RSRC1: variants seen among roughly 807,000 people sequenced by gnomAD.
RSRC1 encodes the protein serine/Arginine-related protein 53.
RSRC1 carries 39 observed loss-of-function variants against 49.1 expected under a neutral mutation model. The ratio of observed to expected loss-of-function variants is 0.79; its 90% CI spans 0.61 to 1.04. The LOEUF (loss-of-function observed/expected upper bound fraction) is 1.04, where lower values mean the gene tolerates loss of function less well. Among genes scored for constraint, RSRC1 ranks in the 50% least tolerant of loss-of-function variants. RSRC1 has a pLI of 0.00. For synonymous variants in RSRC1, 143 were observed against 130.8 expected (o/e 1.09, Z -0.63); for missense variants, 388 against 402.4 (o/e 0.96, Z 0.31).
intron 3 of RSRC1, among the ~76,000 whole-genome samples, chr3:158,170,340 T>C (rs1370463821): frequency 6.6e-6 from 1 of 151,420 alleles, no homozygotes; most frequent in Admixed American, 6.6e-5. Flanking sequence ...TTGCTCTTCC[T>C]TGTTCTCCCT....
At chr3:158,241,583 TAA>T (rs1723582322) in intron 4 of RSRC1, among the ~76,000 whole-genome samples, 1 of 152,018 alleles carries the variant, frequency 6.6e-6, no homozygotes, top group Admixed American at 6.6e-5. Flanking sequence ...GCTAGTGGAC[TAA>T]TAAAAAATCA....
chr3:158,253,043 T>C (rs1195949041), intron 4 of RSRC1, among the ~76,000 whole-genome samples: 1 of 114,508 alleles, frequency 8.7e-6, no homozygotes, highest in Non-Finnish European at 1.8e-5. Context: ...TTTTCTTTCA[T>C]TGATTTTTTT....
chr3:158,182,701 A>G (rs1559932780), intron 3 of RSRC1, among the ~76,000 whole-genome samples: 2 of 152,196 alleles, frequency 1.3e-5, no homozygotes, highest in African/African-American at 4.8e-5. Flanking sequence ...GTTTACGGAA[A>G]GAAGGAAAGA....
intron 4 of RSRC1, among the ~76,000 whole-genome samples, chr3:158,248,437 G>A (rs371215621): frequency 5.3e-5 from 8 of 152,080 alleles, no homozygotes; most frequent in East Asian, 1.9e-4. Context: ...TCACTCACCT[G>A]TTAATAAACA....
intron 4 of RSRC1, among the ~76,000 whole-genome samples, chr3:158,254,559 G>A (rs2108020212): frequency 6.6e-6 from 1 of 152,164 alleles, no homozygotes; most frequent in East Asian, 1.9e-4. Flanking sequence ...ACCCTCCCGA[G>A]TAGCTGGGAC....
At chr3:158,275,552 T>G (rs890540152) in intron 4 of RSRC1, among the ~76,000 whole-genome samples, 3 of 152,228 alleles carry the variant, frequency 2.0e-5, no homozygotes, top group African/African-American at 7.2e-5. Context: ...ATTTTAAACC[T>G]ATTATACTAC....
At chr3:158,338,492 C>T (rs1730042330) in intron 5 of RSRC1, among the ~76,000 whole-genome samples, 2 of 152,126 alleles carry the variant, frequency 1.3e-5, no homozygotes, top group South Asian at 2.1e-4. Flanking sequence ...TGATATGTGT[C>T]TCTGTCATAG....
chr3:158,170,570 T>C (rs550537759), intron 3 of RSRC1, among the ~76,000 whole-genome samples: 2 of 152,296 alleles, frequency 1.3e-5, no homozygotes, highest in South Asian at 2.1e-4. Context: ...CTGGGGAGGA[T>C]ACTCAAAACT....
At chr3:158,457,546 A>T (rs1454520382) in intron 6 of RSRC1, among the ~76,000 whole-genome samples, 1 of 152,158 alleles carries the variant, frequency 6.6e-6, no homozygotes, top group Non-Finnish European at 1.5e-5. Context: ...TATGGCTATG[A>T]TAGACATATG....
chr3:158,340,297 C>G (rs1730156306), intron 5 of RSRC1, among the ~76,000 whole-genome samples: 1 of 152,162 alleles, frequency 6.6e-6, no homozygotes, highest in South Asian at 2.1e-4. Context: ...AATCCCAGCA[C>G]TTTGGGAGGC....
At chr3:158,174,178 A>C (rs1341671313) in intron 3 of RSRC1, among the ~76,000 whole-genome samples, 2 of 151,834 alleles carry the variant, frequency 1.3e-5, no homozygotes, top group African/African-American at 4.8e-5. Flanking sequence ...GGTTGTAGCC[A>C]CTCGAAGCCC....
At chr3:158,434,932 T>C (rs1735968968) in intron 6 of RSRC1, among the ~76,000 whole-genome samples, 1 of 151,932 alleles carries the variant, frequency 6.6e-6, no homozygotes, top group African/African-American at 2.4e-5. Flanking sequence ...GGAGTAACAT[T>C]CAAAGTACTG....
chr3:158,488,033 C>A (rs1486209190), intron 7 of RSRC1, among the ~76,000 whole-genome samples: 3 of 144,734 alleles, frequency 2.1e-5, no homozygotes, highest in African/African-American at 7.8e-5. Flanking sequence ...ATGGAACACT[C>A]TGTTAAGAAA....
At chr3:158,115,227 T>G (rs1714719615) in intron 1 of RSRC1, among the ~76,000 whole-genome samples, 1 of 152,216 alleles carries the variant, frequency 6.6e-6, no homozygotes, top group African/African-American at 2.4e-5. Flanking sequence ...TCAACCAGCC[T>G]TCTATTATGG....
At chr3:158,224,426 A>G (rs184671413) in intron 4 of RSRC1, among the ~76,000 whole-genome samples, 161 of 151,960 alleles carry the variant, frequency 1.1e-3, no homozygotes, top group African/African-American at 3.6e-3. Flanking sequence ...AGTGTTCAAT[A>G]TATTATATAA....
At chr3:158,114,087 TG>T (rs1229486068) in intron 1 of RSRC1, among the ~76,000 whole-genome samples, 2 of 152,254 alleles carry the variant, frequency 1.3e-5, no homozygotes, top group Non-Finnish European at 2.9e-5. Context: ...TTGTCCTGTA[TG>T]GTATTGCCTA....
intron 6 of RSRC1, among the ~76,000 whole-genome samples, chr3:158,459,091 T>TTGA (rs1416021589): frequency 2.6e-5 from 4 of 152,170 alleles, no homozygotes; most frequent in Non-Finnish European, 5.9e-5. Flanking sequence ...TATTTCAACA[T>TTGA]AATTCAAAAG....
chr3:158,369,250 CT>C (rs1216178109), intron 6 of RSRC1, among the ~76,000 whole-genome samples: 2 of 151,872 alleles, frequency 1.3e-5, no homozygotes, highest in South Asian at 2.1e-4. Flanking sequence ...TTTATTTAAT[CT>C]TTTTTTATTA....
At chr3:158,493,816 A>G (rs1466245016) in intron 7 of RSRC1, among the ~76,000 whole-genome samples, 1 of 152,212 alleles carries the variant, frequency 6.6e-6, no homozygotes, top group African/African-American at 2.4e-5. Context: ...TGGTTGTCAC[A>G]TAAGTATATC....
Sources: gnomAD v4.1 joint callset for allele counts (sites outside exome capture counted in the v4.1 genomes callset) on GRCh38, gnomAD v4.1.1 for gene constraint, MANE v1.5 for transcripts, NCBI Gene and HGNC (gene_info 2026-07-23, HGNC 2026-07-21) for gene names.